Variants in PTP4A3 observed in about 807,000 individuals in gnomAD.
PTP4A3 encodes the protein protein tyrosine phosphatase type IVA 3.
PTP4A3 carries 9 observed loss-of-function variants against 15.2 expected under a neutral mutation model. That is an observed-to-expected ratio of 0.59 (90% confidence interval 0.36 to 1.03). PTP4A3 has a LOEUF of 1.03. PTP4A3 is among the 50% of genes least tolerant of loss of function. PTP4A3 has a pLI of 0.02. For missense variants in PTP4A3, 234 were observed against 252.1 expected (o/e 0.93, Z 0.49); for synonymous variants, 95 against 102.0 (o/e 0.93, Z 0.41).
At chr8:141,402,945 G>A (rs756146939) in intron 1 of PTP4A3, among the ~76,000 whole-genome samples, 17 of 152,172 alleles carry the variant, frequency 1.1e-4, no homozygotes, top group Admixed American at 1.0e-3. Flanking sequence ...CTGGCCAGCG[G>A]GCCGGTCCAG....
rs1319130949 is a variant in PTP4A3 at position 141,425,288 on chromosome 8, A to C, written c.198+148A>C. 10 of 801,814 alleles carry C rather than the reference A, an allele frequency of 1.2e-5. No individual in the cohort carries two copies. Among genetic ancestry groups the C allele is most frequent in the Non-Finnish European group, 1.8e-5 (9 of 500,970 alleles). The allele number at this position is 801,814 out of a possible 1,614,324, so 49.7% of individuals were successfully genotyped here. On this transcript the variant is annotated intron_variant, in intron 3 of 5. Transcript: ENST00000521578. The surrounding 1 kb of genome is among the most constrained non-coding windows in gnomAD (Gnocchi z 4.2). ...CTGGGCCACGTGTGTGTCTGGGTAC[A>C]TCAAGGGAAGGCCAGGGTGTTGGGC...
In PTP4A3 at chr8:141,420,393, C is replaced by G. The variant is rs77498926; in HGVS notation, c.-853-995C>G. On this transcript the variant is annotated intron_variant, in intron 1 of 5. Coordinates refer to ENST00000521578, the MANE Select transcript of PTP4A3 (RefSeq NM_032611.3). ...GGGTAACAAAGAGGCCGGCACCTTGCTCAAGGCCTCCCAGCCCTTCCGTAG... is the reference window on the plus strand; with the variant it reads ...GGGTAACAAAGAGGCCGGCACCTTGGTCAAGGCCTCCCAGCCCTTCCGTAG... Among the ~76,000 whole-genome samples, 115 of 152,326 alleles carry G rather than the reference C, an allele frequency of 7.5e-4. 3 individuals carry two copies. In the East Asian group the frequency reaches 0.022, roughly 29 times the overall value.
intron 1 of PTP4A3, among the ~76,000 whole-genome samples, chr8:141,410,454 G>A (rs1470350918): frequency 6.6e-6 from 1 of 152,258 alleles, no homozygotes; most frequent in Non-Finnish European, 1.5e-5. Flanking sequence ...AGGCTCCCCT[G>A]AGGGTTCTGA....
At chr8:141,401,165 C>G (rs1228119593) in intron 1 of PTP4A3, among the ~76,000 whole-genome samples, 4 of 152,202 alleles carry the variant, frequency 2.6e-5, no homozygotes, top group Non-Finnish European at 5.9e-5. Flanking sequence ...CATGGTCGTC[C>G]TGTTTCCCAG....
rs1313406354 is a variant in PTP4A3 at position 141,409,216 on chromosome 8, CAGGCCCGTG to C, written c.-853-12171_-853-12163del. Among the ~76,000 whole-genome samples, 4 of 152,350 alleles carry C rather than the reference CAGGCCCGTG, an allele frequency of 2.6e-5. No homozygotes were observed. The East Asian group carries it at 7.7e-4, about 29-fold the overall frequency. On this transcript the variant is annotated intron_variant, in intron 1 of 5. Transcript: ENST00000521578. ...GAGGCCTGGGAGCTGCAGCATCCAA[CAGGCCCGTG>C]TGAATGGCCTGGCCACAGCACTGCC...
intron 1 of PTP4A3, among the ~76,000 whole-genome samples, chr8:141,411,400 C>T (rs557693266): frequency 5.9e-5 from 9 of 152,222 alleles, no homozygotes; most frequent in Non-Finnish European, 5.9e-5. Context: ...GGGGAACCTG[C>T]GGGCCCCTCC....
chr8:141,411,733 C>T (rs1461330360), intron 1 of PTP4A3, among the ~76,000 whole-genome samples: 6 of 152,220 alleles, frequency 3.9e-5, no homozygotes, highest in East Asian at 1.9e-4. Context: ...TCCATGATCT[C>T]GATCCCCCTT....
Position 141,425,592 on chromosome 8 carries a change from G to C in PTP4A3, c.198+452G>C, listed in dbSNP as rs913624378. Among the ~76,000 whole-genome samples, 1 of 138,164 alleles carries C rather than the reference G, an allele frequency of 7.2e-6. No homozygotes were observed. The highest frequency in any genetic ancestry group is 2.6e-4 in the East Asian group (1 of 3,872). 90.6% of individuals were successfully genotyped at this position (138,164 alleles called of 152,430 possible). ...TGGCCCTGGGGACCCAGGTCTGGGC[G>C]GGGGGTGGGGCGGTTCTGCTGCGAT... On this transcript the variant is annotated intron_variant, in intron 3 of 5. Transcript: ENST00000521578. This position sits in a 1 kb window ranked among gnomAD's most constrained non-coding sequence, Gnocchi z 4.2.
intron 1 of PTP4A3, among the ~76,000 whole-genome samples, chr8:141,395,584 C>T (rs1026176485): frequency 2.5e-4 from 36 of 146,834 alleles, no homozygotes; most frequent in African/African-American, 8.0e-4. Flanking sequence ...CGTGGGCCAC[C>T]CCTCCCTCCT....
chr8:141,395,524 G>A (rs1390836252), intron 1 of PTP4A3, among the ~76,000 whole-genome samples: 5 of 152,170 alleles, frequency 3.3e-5, no homozygotes, highest in Admixed American at 2.6e-4. Flanking sequence ...CTTCCTCCTG[G>A]AGGGGAACTG....
intron 1 of PTP4A3, among the ~76,000 whole-genome samples, chr8:141,416,135 G>C (rs528410502): frequency 2.0e-5 from 3 of 152,188 alleles, no homozygotes; most frequent in Non-Finnish European, 2.9e-5. Flanking sequence ...CGCCAGAGGC[G>C]ACGGGCTCTG....
rs1246842853 is a variant in PTP4A3 at position 141,431,007 on chromosome 8, A to G, written c.485A>G (p.Asp162Gly). 1 of 1,613,192 alleles carries G rather than the reference A, an allele frequency of 6.2e-7. No homozygotes were observed. The highest frequency in any genetic ancestry group is 1.7e-5 in the Admixed American group (1 of 60,012). ...YRPKQRLRFK[D>G]PHTHKTRCCV... The stretch of plus-strand genomic sequence containing the variant: ...CCCAAACAGAGGCTGCGGTTCAAAG[A>G]CCCACACACGCACAAGACCCGGTGC... The change falls in exon 6 of 6, where the codon GAC (aspartate) becomes GGC (glycine). Residue 162 changes from aspartate to glycine, a missense_variant. Transcript: ENST00000521578.
At chr8:141,414,086 ACGT>A (rs1252079975) in intron 1 of PTP4A3, among the ~76,000 whole-genome samples, 1 of 150,240 alleles carries the variant, frequency 6.7e-6, no homozygotes, top group Non-Finnish European at 1.5e-5. Context: ...GTGTGTGTGC[ACGT>A]GAGCACACAT....
chr8:141,425,191 T>TGG lies in PTP4A3; in HGVS notation c.198+54_198+55dup. ...AGTCACTGCTGCCACCGGGGGAGGG[T>TGG]GGGGCGGGGGGCTCCGGGCCTGCGC... On this transcript the variant is annotated intron_variant, in intron 3 of 5. Coordinates refer to ENST00000521578, the MANE Select transcript of PTP4A3 (RefSeq NM_032611.3). The surrounding 1 kb of genome is among the most constrained non-coding windows in gnomAD (Gnocchi z 4.2). 1.4e-5 allele frequency: 4 copies of TGG among 287,810 alleles called. No homozygotes were observed. Among genetic ancestry groups the TGG allele is most frequent in the Admixed American group, 4.0e-5 (1 of 24,926 alleles). The allele number at this position is 287,810 out of a possible 1,614,324, so 17.8% of individuals were successfully genotyped here. A position where few individuals can be genotyped will look rare whatever the true frequency, so the allele number is the denominator to read the frequency against.
intron 1 of PTP4A3, among the ~76,000 whole-genome samples, chr8:141,415,159 A>G (rs1832990472): frequency 6.6e-6 from 1 of 151,890 alleles, no homozygotes; most frequent in South Asian, 2.1e-4. Context: ...GGCAGGCTGC[A>G]GGGTCCGGGC....
intron 1 of PTP4A3, among the ~76,000 whole-genome samples, chr8:141,407,518 C>T (rs984513653): frequency 7.2e-5 from 11 of 151,792 alleles, no homozygotes; most frequent in African/African-American, 2.2e-4. Context: ...GCCAGCAGCG[C>T]GGCCCAGGAC....
At chr8:141,417,786 C>T (rs1408609819) in intron 1 of PTP4A3, among the ~76,000 whole-genome samples, 7 of 152,006 alleles carry the variant, frequency 4.6e-5, no homozygotes, top group African/African-American at 1.4e-4. Flanking sequence ...CTTTGTTTCC[C>T]GGGCAGGGCG....
chr8:141,403,006 T>C (rs753879140), intron 1 of PTP4A3, among the ~76,000 whole-genome samples: 10 of 152,044 alleles, frequency 6.6e-5, no homozygotes, highest in Non-Finnish European at 1.3e-4. Context: ...AAGCACCTCC[T>C]GTGTGCACCA....
At chr8:141,404,828 C>T (rs956994669) in intron 1 of PTP4A3, among the ~76,000 whole-genome samples, 1 of 152,200 alleles carries the variant, frequency 6.6e-6, no homozygotes, top group African/African-American at 2.4e-5. Flanking sequence ...CCCGCACCTA[C>T]CTGTCTCCAC....
Sources: gnomAD v4.1 joint callset for allele counts (sites outside exome capture counted in the v4.1 genomes callset) on GRCh38, gnomAD v4.1.1 for gene constraint, Gnocchi (gnomAD v3.1) non-coding constraint, MANE v1.5 for transcripts, NCBI Gene and HGNC (gene_info 2026-07-23, HGNC 2026-07-21) for gene names.